Variants in RAB8B observed in about 807,000 individuals in gnomAD.
RAB8B encodes the protein RAB8B, member RAS oncogene family.
A neutral mutation model predicts 32.0 loss-of-function variants in RAB8B; 11 were observed. The observed-to-expected ratio is 0.34, with a 90% CI of 0.22 to 0.57. The LOEUF (loss-of-function observed/expected upper bound fraction) is 0.57, where lower values mean the gene tolerates loss of function less well. RAB8B is among the 20% of genes least tolerant of loss of function. RAB8B has a pLI of 0.86. For synonymous variants in RAB8B, 103 were observed against 89.6 expected (o/e 1.15, Z -0.85); for missense variants, 190 against 258.5 (o/e 0.73, Z 1.82).
At position 63,248,011 on chromosome 15, in the gene RAB8B, A is replaced by G. The variant is rs754865739; in HGVS notation, c.186-1634A>G. Among the ~76,000 whole-genome samples the G allele has an allele frequency of 1.6e-4, 25 of 152,258 alleles. No individual in the cohort carries two copies. The highest frequency in any genetic ancestry group is 7.9e-4 in the Admixed American group (12 of 15,286). ...GATTTAAAAAATTACATCTTTTCTC[A>G]TGATCCCCTCCTTGGGTTTCTCAGA... On this transcript the variant is annotated intron_variant, in intron 2 of 7. Coordinates refer to ENST00000321437, the MANE Select transcript of RAB8B (RefSeq NM_016530.3). This position sits in a 1 kb window ranked among gnomAD's most constrained non-coding sequence, Gnocchi z 4.4.
chr15:63,237,585 A>G (rs1567017245), intron 1 of RAB8B, among the ~76,000 whole-genome samples: 1 of 151,858 alleles, frequency 6.6e-6, no homozygotes, highest in East Asian at 1.9e-4. Context: ...AGATTATAAG[A>G]TTTTTTCCTG....
At position 63,197,345 on chromosome 15, in the gene RAB8B, TTTTC is replaced by T. The variant is rs1254018189; in HGVS notation, c.124+7617_124+7620del. Among the ~76,000 whole-genome samples the T allele has an allele frequency of 8.3e-3, 1,219 of 146,306 alleles. 16 individuals carry two copies. Among genetic ancestry groups the T allele is most frequent in the African/African-American group, 0.026 (995 of 38,572 alleles). Reference sequence around the variant, plus strand: ...TGTCTTGAAGTGGCTTTCTTTTTTTTTTTCTTTCTTTCTTTCTTTCTTTTCTTTT... The same window carrying T: ...TGTCTTGAAGTGGCTTTCTTTTTTTTTTTCTTTCTTTCTTTCTTTTCTTTT... On this transcript the variant is annotated intron_variant, in intron 1 of 7. Transcript: ENST00000321437.
At chr15:63,240,332 G>T (rs1034217231) in intron 1 of RAB8B, among the ~76,000 whole-genome samples, 7 of 152,140 alleles carry the variant, frequency 4.6e-5, no homozygotes, top group Non-Finnish European at 8.8e-5. Flanking sequence ...GACTGAATGT[G>T]TAATCTCTTA....
chr15:63,229,449 AG>A (rs1359260491), intron 1 of RAB8B, among the ~76,000 whole-genome samples: 2 of 152,198 alleles, frequency 1.3e-5, no homozygotes, highest in Non-Finnish European at 2.9e-5. Context: ...TGAGGAAGAT[AG>A]GTGCTCACAG....
chr15:63,216,358 A>G (rs2037792414), intron 1 of RAB8B, among the ~76,000 whole-genome samples: 1 of 150,930 alleles, frequency 6.6e-6, no homozygotes, highest in Admixed American at 6.6e-5. Flanking sequence ...CCTCCCAAGT[A>G]TCTGGGACTA....
In RAB8B at chr15:63,259,782, T is replaced by C; in HGVS notation, c.480+90T>C. ...CAGCTCTCAGAGCTTTGGTATTTTC[T>C]GACCTAATGAATGCCTTTTGTTGAC... On this transcript the variant is annotated intron_variant, in intron 6 of 7. Coordinates refer to ENST00000321437, the MANE Select transcript of RAB8B (RefSeq NM_016530.3). The surrounding 1 kb of genome is among the most constrained non-coding windows in gnomAD (Gnocchi z 4.4). The C allele has an allele frequency of 8.6e-7, 1 of 1,160,866 alleles. No individual in the cohort carries two copies. The highest frequency in any genetic ancestry group is 1.3e-6 in the Non-Finnish European group (1 of 792,858). The allele number at this position is 1,160,866 out of a possible 1,614,324, so 71.9% of individuals were successfully genotyped here. A position where few individuals can be genotyped will look rare whatever the true frequency, so the allele number is the denominator to read the frequency against.
intron 1 of RAB8B, among the ~76,000 whole-genome samples, chr15:63,239,672 T>G (rs2038015767): frequency 1.3e-5 from 2 of 152,246 alleles, no homozygotes; most frequent in East Asian, 3.9e-4. Flanking sequence ...CCTCCCAAAG[T>G]GCTGGGATTA....
rs558357224 is a variant in RAB8B, at chr15:63,261,094, A to G, written c.480+1402A>G. ...ATTTCCCGCCATCAGAAATAATCCA[A>G]GTTAAAAATGGACAAAAGATCTGAA... On this transcript the variant is annotated intron_variant, in intron 6 of 7. Coordinates refer to ENST00000321437, the MANE Select transcript of RAB8B (RefSeq NM_016530.3). Among the ~76,000 whole-genome samples the G allele has an allele frequency of 2.8e-4, 43 of 152,330 alleles. No individual in the cohort carries two copies. The East Asian group carries it at 6.6e-3, about 23-fold the overall frequency.
In RAB8B at chr15:63,265,159, ATGC is replaced by A. The variant is rs1010509860; in HGVS notation, c.*1543_*1545del. The A allele has an allele frequency of 1.3e-5, 2 of 152,512 alleles. No individual in the cohort carries two copies. The highest frequency in any genetic ancestry group is 2.9e-5 in the Non-Finnish European group (2 of 68,058). 9.4% of individuals were successfully genotyped at this position (152,512 alleles called of 1,614,324 possible). On this transcript the variant is annotated 3_prime_UTR_variant, in exon 8 of 8. Transcript: ENST00000321437. The surrounding 1 kb of genome is among the most constrained non-coding windows in gnomAD (Gnocchi z 4.9). Reference sequence around the variant, plus strand: ...GTTTTGCTTCACAAAGGCTACTATCATGCTGGATAGATAAGAACAGGAGATGGC... The same window carrying A: ...GTTTTGCTTCACAAAGGCTACTATCATGGATAGATAAGAACAGGAGATGGC...
intron 1 of RAB8B, among the ~76,000 whole-genome samples, chr15:63,199,107 T>G (rs2037626945): frequency 6.6e-6 from 1 of 152,226 alleles, no homozygotes. Flanking sequence ...TTGGAATGAC[T>G]CCAACCACTT....
chr15:63,193,150 C>G (rs2037572784), intron 1 of RAB8B, among the ~76,000 whole-genome samples: 1 of 151,980 alleles, frequency 6.6e-6, no homozygotes, highest in African/African-American at 2.4e-5. Flanking sequence ...TAACGTGAGC[C>G]CAGGAGTTCA....
At chr15:63,261,888 T>A (rs191461553) in intron 6 of RAB8B, among the ~76,000 whole-genome samples, 15 of 152,336 alleles carry the variant, frequency 9.8e-5, no homozygotes, top group African/African-American at 3.6e-4. Context: ...TAAAAAATAT[T>A]TGGTTTGTAT....
intron 3 of RAB8B, 63 bp downstream of exon 3, chr15:63,249,768 C>T: frequency 6.7e-7 from 1 of 1,495,726 alleles, no homozygotes; most frequent in Non-Finnish European, 9.2e-7. Context: ...GTTTGTTTGC[C>T]AAGATTATAG....
At chr15:63,207,922 C>T (rs1353273052) in intron 1 of RAB8B, among the ~76,000 whole-genome samples, 1 of 151,936 alleles carries the variant, frequency 6.6e-6, no homozygotes, top group Non-Finnish European at 1.5e-5. Context: ...CTTTCTTCTG[C>T]CACCCTAATT....
At chr15:63,257,009 A>C (rs762968539) in intron 5 of RAB8B, among the ~76,000 whole-genome samples, 2 of 152,200 alleles carry the variant, frequency 1.3e-5, no homozygotes, top group African/African-American at 2.4e-5. Flanking sequence ...TTCCCTAAGA[A>C]TATTTTACTA....
intron 3 of RAB8B, among the ~76,000 whole-genome samples, chr15:63,252,124 C>T (rs1329976435): frequency 6.6e-6 from 1 of 151,566 alleles, no homozygotes; most frequent in Non-Finnish European, 1.5e-5. Flanking sequence ...TAGATATATA[C>T]TAGATACATA....
chr15:63,231,406 A>AT (rs1555422926), intron 1 of RAB8B, among the ~76,000 whole-genome samples: 1 of 151,716 alleles, frequency 6.6e-6, no homozygotes, highest in Non-Finnish European at 1.5e-5. Context: ...TGTAGTTGTA[A>AT]TTTTTTCCAG....
At chr15:63,197,192 C>A (rs1026852991) in intron 1 of RAB8B, among the ~76,000 whole-genome samples, 3 of 151,282 alleles carry the variant, frequency 2.0e-5, no homozygotes, top group African/African-American at 7.3e-5. Context: ...TATATAGAGC[C>A]CTTGTGTATC....
chr15:63,243,351 G>A (rs112617417), intron 1 of RAB8B, among the ~76,000 whole-genome samples: 7 of 152,222 alleles, frequency 4.6e-5, no homozygotes, highest in African/African-American at 1.7e-4. Context: ...AAACAAAGCT[G>A]AGTAGCCAGA....
Sources: allele counts gnomAD v4.1 joint callset (sites outside exome capture counted in the v4.1 genomes callset), GRCh38; gene constraint gnomAD v4.1.1; non-coding constraint Gnocchi (gnomAD v3.1); transcripts MANE v1.5; gene names NCBI Gene and HGNC (gene_info 2026-07-23, HGNC 2026-07-21).